Variants in CCDC138 observed in about 807,000 individuals in gnomAD.
CCDC138 encodes coiled-coil domain-containing protein 138.
CCDC138 carries 66 observed loss-of-function variants against 82.3 expected under a neutral mutation model. That is an observed-to-expected ratio of 0.80 (90% CI 0.66 to 0.98). The LOEUF is 0.98. CCDC138 is among the 50% of genes least tolerant of loss of function. CCDC138 has a pLI of 0.00. For synonymous variants in CCDC138, 297 were observed against 265.4 expected (o/e 1.12, Z -1.16); for missense variants, 816 against 758.9 (o/e 1.08, Z -0.88).
At chr2:108,795,150 AT>A (rs11458525) in intron 5 of CCDC138, among the ~76,000 whole-genome samples, 43 of 85,040 alleles carry the variant, frequency 5.1e-4, no homozygotes, top group African/African-American at 9.6e-4. Flanking sequence ...TCTAAAGTGT[AT>A]TTTTTTTTTT....
chr2:108,866,138 G>A (rs1694379377), intron 13 of CCDC138, among the ~76,000 whole-genome samples: 1 of 152,200 alleles, frequency 6.6e-6, no homozygotes, highest in African/African-American at 2.4e-5. Flanking sequence ...GGATTTCACA[G>A]AAAGGGAATT....
chr2:108,857,971 C>G (rs1367627857), intron 13 of CCDC138, among the ~76,000 whole-genome samples: 1 of 152,164 alleles, frequency 6.6e-6, no homozygotes, highest in Non-Finnish European at 1.5e-5. Flanking sequence ...AATTGTGGTA[C>G]TGCAAATGCA....
At chr2:108,877,122 A>T (rs1696073023), downstream of CCDC138, among the ~76,000 whole-genome samples, 1 of 152,216 alleles carries the variant, frequency 6.6e-6, no homozygotes, top group Admixed American at 6.5e-5. Context: ...AGAAACAGAA[A>T]GCCATAATGA....
intron 11 of CCDC138, among the ~76,000 whole-genome samples, chr2:108,845,377 T>C (rs1376427686): frequency 2.0e-5 from 3 of 152,132 alleles, no homozygotes; most frequent in Non-Finnish European, 4.4e-5. Flanking sequence ...CTAAAACTTA[T>C]CCACATTGCA....
intron 11 of CCDC138, among the ~76,000 whole-genome samples, chr2:108,843,876 G>T (rs13386807): frequency 0.052 from 725 of 13,868 alleles, 32 homozygotes; most frequent in Non-Finnish European, 0.13. Flanking sequence ...GTGTGTGTGT[G>T]TGTTTCTTTC....
downstream of CCDC138, among the ~76,000 whole-genome samples, chr2:108,877,703 C>T (rs143068071): frequency 1.6e-4 from 25 of 152,036 alleles, no homozygotes; most frequent in East Asian, 3.3e-3. Flanking sequence ...ACAAGTGGAG[C>T]GGAAGCAATA....
In CCDC138 at chr2:108,793,387, C is replaced by T. The variant is rs116708449; in HGVS notation, c.395-1153C>T. Among the ~76,000 whole-genome samples, 1,286 of 151,944 alleles carry T rather than the reference C, an allele frequency of 8.5e-3. 8 individuals are homozygous for T. The highest frequency in any genetic ancestry group is 0.014 in the Non-Finnish European group (976 of 67,984). ...ACACTGACCGAGAGCATTTTATACTCTAATTGTTAAAAGAAAATAAATTCT... is the reference window on the plus strand; with the variant it reads ...ACACTGACCGAGAGCATTTTATACTTTAATTGTTAAAAGAAAATAAATTCT... On this transcript the variant is annotated intron_variant, in intron 4 of 14. Coordinates refer to ENST00000295124, the MANE Select transcript of CCDC138 (RefSeq NM_144978.3).
At chr2:108,875,730 G>A (rs1382118527) in intron 14 of CCDC138, among the ~76,000 whole-genome samples, 1 of 152,118 alleles carries the variant, frequency 6.6e-6, no homozygotes, top group African/African-American at 2.4e-5. Flanking sequence ...TTGGTGATGT[G>A]CGCCTGTAGT....
chr2:108,833,894 ATTTTTT>A (rs749488565), intron 10 of CCDC138, among the ~76,000 whole-genome samples: 101 of 79,218 alleles, frequency 1.3e-3, no homozygotes, highest in African/African-American at 4.4e-3. Context: ...CGCCCGGCTA[ATTTTTT>A]TTTTTTTTTT....
intron 11 of CCDC138, among the ~76,000 whole-genome samples, chr2:108,845,550 G>C (rs1250469429): frequency 4.0e-5 from 6 of 149,078 alleles, no homozygotes; most frequent in Non-Finnish European, 8.9e-5. Flanking sequence ...GCAACAGTTT[G>C]AAATGCTTTC....
At chr2:108,828,787 G>A (rs896748702) in intron 10 of CCDC138, among the ~76,000 whole-genome samples, 7 of 152,072 alleles carry the variant, frequency 4.6e-5, no homozygotes, top group Admixed American at 2.0e-4. Context: ...GACCAGCCTG[G>A]CCAACATAGT....
At chr2:108,821,035 C>T (rs1034973582) in intron 10 of CCDC138, among the ~76,000 whole-genome samples, 4 of 151,976 alleles carry the variant, frequency 2.6e-5, no homozygotes, top group Non-Finnish European at 5.9e-5. Flanking sequence ...AACTGTAAGT[C>T]TATGTTAGGG....
intron 11 of CCDC138, among the ~76,000 whole-genome samples, chr2:108,845,492 A>G (rs186033546): frequency 1.3e-5 from 2 of 152,282 alleles, no homozygotes; most frequent in South Asian, 2.1e-4. Flanking sequence ...GGGTCATAAT[A>G]AAGGAAATTT....
At chr2:108,808,518 C>T (rs143208432) in intron 7 of CCDC138, among the ~76,000 whole-genome samples, 77 of 152,248 alleles carry the variant, frequency 5.1e-4, no homozygotes, top group African/African-American at 1.7e-3. Flanking sequence ...TCCTCACCAA[C>T]GTTTATTACT....
chr2:108,791,557 TA>T (rs1679909616), intron 3 of CCDC138, 117 bp from the exon 4 acceptor site: 2 of 1,243,692 alleles, frequency 1.6e-6, no homozygotes, highest in Non-Finnish European at 1.2e-6. Flanking sequence ...TTTTGCAGTT[TA>T]AAAAATGTTT....
At chr2:108,821,961 A>G (rs1224108674) in intron 10 of CCDC138, among the ~76,000 whole-genome samples, 1 of 150,604 alleles carries the variant, frequency 6.6e-6, no homozygotes, top group Non-Finnish European at 1.5e-5. Context: ...TCCTTCCTTT[A>G]TCAGTAATTA....
rs186218175 is a variant in CCDC138, at chr2:108,830,736, A to C, written c.1207-8449A>C. Reference sequence around the variant, plus strand: ...GGCAAGAGAGTCGCTTGAACCCAGGAGGCAGAGGTTGCAGTGATCTGAGAT... The same window carrying C: ...GGCAAGAGAGTCGCTTGAACCCAGGCGGCAGAGGTTGCAGTGATCTGAGAT... On this transcript the variant is annotated intron_variant, in intron 10 of 14. Transcript: ENST00000295124. Among the ~76,000 whole-genome samples the C allele has an allele frequency of 1.9e-3, 285 of 152,202 alleles. 3 individuals are homozygous for C. Among genetic ancestry groups the C allele is most frequent in the African/African-American group, 6.6e-3 (276 of 41,522 alleles).
chr2:108,843,103 C>G (rs1689786428), intron 11 of CCDC138, among the ~76,000 whole-genome samples: 1 of 152,194 alleles, frequency 6.6e-6, no homozygotes, highest in African/African-American at 2.4e-5. Context: ...TTCCCTCTTT[C>G]ATTATATCCT....
rs371435296 is a variant in CCDC138 at position 108,813,248 on chromosome 2, CA to C, written c.1041+345del. 5.6e-3 allele frequency among the ~76,000 whole-genome samples: 357 copies of C among 63,560 alleles called. 3 individuals are homozygous for C. Among genetic ancestry groups the C allele is most frequent in the African/African-American group, 0.023 (320 of 13,620 alleles). 41.7% of individuals were successfully genotyped at this position (63,560 alleles called of 152,430 possible). On this transcript the variant is annotated intron_variant, in intron 9 of 14. Transcript: ENST00000295124. The stretch of plus-strand genomic sequence containing the variant: ...TGGGCGACAGAGTGAGACTCCGTCT[CA>C]AAAAAAAAAAAAAAAAAAAAAAAGA...
Sources: allele counts gnomAD v4.1 joint callset (sites outside exome capture counted in the v4.1 genomes callset), GRCh38; gene constraint gnomAD v4.1.1; transcripts MANE v1.5; gene names NCBI Gene and HGNC (gene_info 2026-07-23, HGNC 2026-07-21).